ARHGEF18: variants seen among roughly 807,000 people sequenced by gnomAD.
The protein encoded by ARHGEF18 is rho guanine nucleotide exchange factor 18.
Under a neutral mutation model 155.7 loss-of-function variants are expected in ARHGEF18, and 93 were observed. That is an observed-to-expected ratio of 0.60 (90% confidence interval 0.50 to 0.71). The LOEUF (loss-of-function observed/expected upper bound fraction) is 0.71. Among genes scored for constraint, ARHGEF18 ranks in the 30% least tolerant of loss-of-function variants. The pLI is 0.00. For missense variants in ARHGEF18, 1,593 were observed against 1,816.1 expected (o/e 0.88, Z 2.23); for synonymous variants, 742 against 753.1 (o/e 0.99, Z 0.24).
Position 7,372,975 on chromosome 19 carries a change from G to A in ARHGEF18, c.179G>A (p.Gly60Glu). ...PDSRPTGEEP[G>E]RDSLFSSLAG... ...AGCCGCCCCACCGGTGAAGAACCAG[G>A]AAGAGATTCTCTTTTCTCCAGCTTG... Residue 60 changes from glycine (G) to glutamate (E), a missense_variant, in exon 3 of 29, where the codon GGA (glycine) becomes GAA (glutamate). Gly to Glu is a moderately conservative substitution (Grantham distance 98). Transcript: ENST00000668164. The A allele has an allele frequency of 4.9e-6, 6 of 1,234,580 alleles. No homozygotes were observed. Among genetic ancestry groups the A allele is most frequent in the Non-Finnish European group, 5.1e-6 (5 of 988,310 alleles). 76.5% of individuals were successfully genotyped at this position (1,234,580 alleles called of 1,614,324 possible).
chr19:7,355,414 A>C (rs1284668771), intron 1 of ARHGEF18, among the ~76,000 whole-genome samples: 1 of 152,170 alleles, frequency 6.6e-6, no homozygotes, highest in African/African-American at 2.4e-5. Flanking sequence ...TAAGGGACAG[A>C]GGGTGCTAAA....
chr19:7,444,714 GCC>G lies in ARHGEF18; in HGVS notation c.1611+262_1611+263del, dbSNP rs1394210777. 6.6e-6 allele frequency among the ~76,000 whole-genome samples: 1 copy of G among 152,050 alleles called. No individual in the cohort carries two copies. The highest frequency in any genetic ancestry group is 1.5e-5 in the Non-Finnish European group (1 of 68,014). On this transcript the variant is annotated intron_variant, in intron 14 of 28. Transcript: ENST00000668164. The surrounding 1 kb of genome is among the most constrained non-coding windows in gnomAD (Gnocchi z 4.7). ...TGTAGAGATGAGGTCTCACTCTATG[GCC>G]CAGGCTGGTCTTGAACTCCTGAGCT...
In ARHGEF18 at chr19:7,375,874, G is replaced by T; in HGVS notation, c.426+4G>T. On this transcript the variant is annotated splice_donor_region_variant and intron_variant, in intron 4 of 28. Coordinates refer to ENST00000668164, the MANE Select transcript of ARHGEF18 (RefSeq NM_001367823.1). ...CCCCGCAGAGAGCCCAGGCAAGGTG[G>T]GTATAACCTGCAGCCACCCCTGACA... 8.1e-7 allele frequency: 1 copy of T among 1,234,406 alleles called. No homozygotes were observed. Among genetic ancestry groups the T allele is most frequent in the Non-Finnish European group, 1.0e-6 (1 of 988,216 alleles). The allele number at this position is 1,234,406 out of a possible 1,614,324, so 76.5% of individuals were successfully genotyped here.
rs1417746408 is a variant in ARHGEF18, at chr19:7,467,448, G to A, written c.3244G>A (p.Glu1082Lys). 5.9e-6 allele frequency: 9 copies of A among 1,527,382 alleles called. No homozygotes were observed. Among genetic ancestry groups the A allele is most frequent in the Non-Finnish European group, 7.9e-6 (9 of 1,143,134 alleles). 94.6% of individuals were successfully genotyped at this position (1,527,382 alleles called of 1,614,324 possible). A position where few individuals can be genotyped will look rare whatever the true frequency, so the allele number is the denominator to read the frequency against. Reference protein sequence around the residue: ...RERQWQHQELERAGARLQERE... With the variant: ...RERQWQHQELKRAGARLQERE... ...GCGCCAGTGGCAGCACCAGGAGCTG[G>A]AGCGTGCGGGCGCGCGGCTGCAGGA... The change falls in exon 26 of 29, where the codon GAG (glutamate) becomes AAG (lysine). Residue 1082 changes from glutamate to lysine, a missense_variant. Physicochemically the swap from Glu to Lys is moderately conservative, Grantham distance 56. Coordinates refer to ENST00000668164, the MANE Select transcript of ARHGEF18 (RefSeq NM_001367823.1).
rs1369923598 is a variant in ARHGEF18, at chr19:7,463,022, T to TG, written c.2635+692dup. Among the ~76,000 whole-genome samples the TG allele has an allele frequency of 6.6e-6, 1 of 151,860 alleles. No homozygotes were observed. Among genetic ancestry groups the TG allele is most frequent in the Non-Finnish European group, 1.5e-5 (1 of 67,954 alleles). ...CTAATTTTTGTATTTTTCGTAGAGA[T>TG]GGGGTTTCACCATGTTGGCCAGGCT... On this transcript the variant is annotated intron_variant, in intron 21 of 28. Transcript: ENST00000668164. This position sits in a 1 kb window ranked among gnomAD's most constrained non-coding sequence, Gnocchi z 5.2.
At position 7,394,709 on chromosome 19, in the gene ARHGEF18, G is replaced by T. The variant is rs751247908; in HGVS notation, c.967+11506G>T. 3.5e-5 allele frequency among the ~76,000 whole-genome samples: 5 copies of T among 142,178 alleles called. No individual in the cohort carries two copies. The Admixed American group carries it at 3.7e-4, about 10-fold the overall frequency. The allele number at this position is 142,178 out of a possible 152,430, so 93.3% of individuals were successfully genotyped here. On this transcript the variant is annotated intron_variant, in intron 10 of 28. Transcript: ENST00000668164. ...TACCCCCCTTGAGATTCTCCAAACC[G>T]CTGTCCTCCTCAGGACTCCCTCCCC...
downstream of ARHGEF18, among the ~76,000 whole-genome samples, chr19:7,474,841 C>G (rs1977185389): frequency 6.6e-6 from 1 of 151,794 alleles, no homozygotes; most frequent in Non-Finnish European, 1.5e-5. Context: ...TGACCTCTGC[C>G]TAGCTGACCC....
At position 7,463,012 on chromosome 19, in the gene ARHGEF18, T is replaced by G. The variant is rs1976384565; in HGVS notation, c.2635+678T>G. Among the ~76,000 whole-genome samples, 1 of 151,978 alleles carries G rather than the reference T, an allele frequency of 6.6e-6. No homozygotes were observed. Among genetic ancestry groups the G allele is most frequent in the South Asian group, 2.1e-4 (1 of 4,826 alleles). On this transcript the variant is annotated intron_variant, in intron 21 of 28. Transcript: ENST00000668164. This position sits in a 1 kb window ranked among gnomAD's most constrained non-coding sequence, Gnocchi z 5.2. ...CCACGCCCAGCTAATTTTTGTATTT[T>G]TCGTAGAGATGGGGTTTCACCATGT...
intron 10 of ARHGEF18, among the ~76,000 whole-genome samples, chr19:7,406,266 G>C (rs1425276320): frequency 2.0e-5 from 3 of 152,046 alleles, no homozygotes; most frequent in Non-Finnish European, 4.4e-5. Flanking sequence ...TGTATTTTTA[G>C]TAGAGACAGG....
intron 10 of ARHGEF18, among the ~76,000 whole-genome samples, chr19:7,415,403 G>A (rs4804593): frequency 0.56 from 83,344 of 150,160 alleles, 23,449 homozygotes; most frequent in Middle Eastern, 0.75. Flanking sequence ...CCCTGCCCTC[G>A]AGGTCCCGGT....
At chr19:7,451,879 A>G (rs553814700) in intron 16 of ARHGEF18, among the ~76,000 whole-genome samples, 90 of 151,708 alleles carry the variant, frequency 5.9e-4, no homozygotes, top group African/African-American at 2.0e-3. Flanking sequence ...CCACCACCAC[A>G]CCTAGCTAAC....
At chr19:7,377,305 T>C (rs113965282) in intron 5 of ARHGEF18, among the ~76,000 whole-genome samples, 35,491 of 151,934 alleles carry the variant, frequency 0.23, 4,402 homozygotes, top group Non-Finnish European at 0.27. Context: ...TCCTGGCCTC[T>C]AGTGATCGGC....
Position 7,376,692 on chromosome 19 carries a change from CCTT to C in ARHGEF18, c.479_481del (p.Phe160del). 1 of 1,234,474 alleles carries C rather than the reference CCTT, an allele frequency of 8.1e-7. No individual in the cohort carries two copies. The highest frequency in any genetic ancestry group is 1.0e-6 in the Non-Finnish European group (1 of 988,244). 76.5% of individuals were successfully genotyped at this position (1,234,474 alleles called of 1,614,324 possible). ...GGGAGGTCAAGGTCCGTTCCTGTGT[CCTT>C]CTATGAGATCCGCTCTCCGGAAATC... is the stretch of plus-strand genomic sequence containing the variant. On this transcript the variant is annotated inframe_deletion, in exon 5 of 29. Coordinates refer to ENST00000668164, the MANE Select transcript of ARHGEF18 (RefSeq NM_001367823.1).
intron 13 of ARHGEF18, among the ~76,000 whole-genome samples, chr19:7,443,210 C>G (rs923022113): frequency 1.3e-5 from 2 of 152,020 alleles, no homozygotes; most frequent in African/African-American, 4.8e-5. Flanking sequence ...GCGCCCACTG[C>G]CACGCCCAGC....
At chr19:7,443,452 C>T (rs184859485) in intron 13 of ARHGEF18, among the ~76,000 whole-genome samples, 64 of 152,200 alleles carry the variant, frequency 4.2e-4, no homozygotes, top group African/African-American at 1.5e-3. Context: ...CTGCTCACCT[C>T]GGCCTCCCAG....
chr19:7,459,772 G>A, intron 19 of ARHGEF18, 131 bp from the exon 20 acceptor site: 1 of 710,764 alleles, frequency 1.4e-6, no homozygotes, highest in Non-Finnish European at 2.3e-6. Context: ...TCGTCCTCCT[G>A]CACCACGAAC....
intron 3 of ARHGEF18, among the ~76,000 whole-genome samples, chr19:7,375,361 G>GAAA (rs1970402990): frequency 8.2e-6 from 1 of 122,622 alleles, no homozygotes; most frequent in Non-Finnish European, 1.7e-5. Context: ...AGAAAAGGAA[G>GAAA]GAAGGAAGGA....
At chr19:7,469,154 C>T in intron 27 of ARHGEF18, 23 bp downstream of exon 27, 1 of 1,558,726 alleles carries the variant, frequency 6.4e-7, no homozygotes, top group South Asian at 1.2e-5. Flanking sequence ...CACCCCTTCG[C>T]CTGGGCCTGG....
At chr19:7,472,870 T>C, downstream of ARHGEF18, 1 of 422,472 alleles carries the variant, frequency 2.4e-6, no homozygotes. Context: ...CAGCTAATTT[T>C]TGTATTTTTT....
Sources: gnomAD v4.1 joint callset for allele counts (sites outside exome capture counted in the v4.1 genomes callset) on GRCh38, gnomAD v4.1.1 for gene constraint, Gnocchi (gnomAD v3.1) non-coding constraint, MANE v1.5 for transcripts, NCBI Gene and HGNC (gene_info 2026-07-23, HGNC 2026-07-21) for gene names.